Variants in MBTPS1 observed in about 807,000 individuals in gnomAD.
MBTPS1 encodes membrane-bound transcription factor site-1 protease.
Under a neutral mutation model 127.8 loss-of-function variants are expected in MBTPS1, and 94 were observed. The observed-to-expected ratio is 0.74, with a 90% CI of 0.62 to 0.87. The LOEUF is 0.87. Ranked by LOEUF, MBTPS1 falls within the 40% of genes least tolerant of loss-of-function variation. MBTPS1 has a pLI of 0.00. For synonymous variants in MBTPS1, 632 were observed against 509.4 expected (o/e 1.24, Z -3.24); for missense variants, 1,636 against 1,353.2 (o/e 1.21, Z -3.28).
chr16:84,093,314 A>G lies in MBTPS1; in HGVS notation c.737-17T>C. On this transcript the variant is annotated splice_polypyrimidine_tract_variant and intron_variant, in intron 5 of 22. Coordinates refer to ENST00000343411, the MANE Select transcript of MBTPS1 (RefSeq NM_003791.4). The stretch of plus-strand genomic sequence containing the variant: ...GGCCCAACCCTGCAGTCCATAAAGA[A>G]AACAATCCCATAAAACACACTGAAT... The G allele has an allele frequency of 6.5e-7, 1 of 1,527,462 alleles. No homozygotes were observed. The highest frequency in any genetic ancestry group is 9.1e-7 in the Non-Finnish European group (1 of 1,100,872). The allele number at this position is 1,527,462 out of a possible 1,614,324, so 94.6% of individuals were successfully genotyped here. A position where few individuals can be genotyped will look rare whatever the true frequency, so the allele number is the denominator to read the frequency against.
chr16:84,063,392 C>T lies in MBTPS1; in HGVS notation c.2485G>A (p.Gly829Arg). 2 of 1,614,110 alleles carry T rather than the reference C, an allele frequency of 1.2e-6. No individual in the cohort carries two copies. Among genetic ancestry groups the T allele is most frequent in the Non-Finnish European group, 1.7e-6 (2 of 1,179,978 alleles). The part of the protein sequence containing the change: ...TAVVENVPIL[G>R]LYQIPAEGGG... ...CCCTCAGCTGGAATCTGATAAAGTC[C>T]CAAAATGGGGACGTTTTCAACAACT... The change falls in exon 19 of 23, where the codon GGA becomes AGA. Residue 829 changes from glycine to arginine, a missense_variant. Transcript: ENST00000343411.
chr16:84,115,761 G>T (rs933849098), intron 1 of MBTPS1, among the ~76,000 whole-genome samples: 2 of 152,202 alleles, frequency 1.3e-5, no homozygotes, highest in Admixed American at 6.5e-5. Context: ...GGGCATCAGA[G>T]GTCTTGGGGT....
chr16:84,083,737 G>A lies in MBTPS1; in HGVS notation c.1286+1246C>T, dbSNP rs12447608. Among the ~76,000 whole-genome samples the A allele has an allele frequency of 6.4e-3, 979 of 152,240 alleles. 46 individuals are homozygous for A. Among genetic ancestry groups the A allele is most frequent in the Admixed American group, 0.052 (796 of 15,300 alleles). Reference sequence around the variant, plus strand: ...ATTAATTAATTTTTAAATTAGCATAGAATAACTTCCAAATACGCAGAGTTT... The same window carrying A: ...ATTAATTAATTTTTAAATTAGCATAAAATAACTTCCAAATACGCAGAGTTT... On this transcript the variant is annotated intron_variant, in intron 10 of 22. Coordinates refer to ENST00000343411, the MANE Select transcript of MBTPS1 (RefSeq NM_003791.4).
intron 10 of MBTPS1, 147 bp from the exon 11 acceptor site, chr16:84,082,055 G>A (rs778832150): frequency 4.2e-6 from 2 of 476,920 alleles, no homozygotes; most frequent in Non-Finnish European, 6.9e-6. Flanking sequence ...GCCTGCATGA[G>A]AGAATGAGTG....
chr16:84,080,040 T>C (rs2085916683), intron 11 of MBTPS1, among the ~76,000 whole-genome samples: 1 of 152,186 alleles, frequency 6.6e-6, no homozygotes, highest in South Asian at 2.1e-4. Flanking sequence ...GGACATCCTG[T>C]GCTGCCAGGA....
chr16:84,059,566 C>G, intron 20 of MBTPS1, 138 bp from the exon 21 acceptor site: 1 of 730,980 alleles, frequency 1.4e-6, no homozygotes, highest in Non-Finnish European at 2.2e-6. Context: ...TTAAGCTATC[C>G]TCCATGAGCC....
chr16:84,064,591 T>C (rs1320323287), intron 18 of MBTPS1, among the ~76,000 whole-genome samples: 1 of 152,136 alleles, frequency 6.6e-6, no homozygotes, highest in African/African-American at 2.4e-5. Context: ...CCCACCCACC[T>C]ACCAAAAACA....
intron 20 of MBTPS1, 37 bp downstream of exon 20, chr16:84,060,645 C>T: frequency 6.2e-7 from 1 of 1,602,710 alleles, no homozygotes. Flanking sequence ...CAGCTGGATC[C>T]AATTCCCTCC....
chr16:84,087,359 C>G lies in MBTPS1; in HGVS notation c.1133G>C (p.Trp378Ser), dbSNP rs975909593. ...ARFSSRGMTT[W>S]ELPGGYGRMK... ...ATTATTTAGCAAAGAAGAGCGTACCCAGGTAGTCATTCCCCTTGAAGAAAA... is the reference window on the plus strand; with the variant it reads ...ATTATTTAGCAAAGAAGAGCGTACCGAGGTAGTCATTCCCCTTGAAGAAAA... The change falls in exon 9 of 23, where the codon TGG (tryptophan) becomes TCG (serine). Residue 378 changes from tryptophan (W) to serine (S), a missense_variant and splice_region_variant. Physicochemically the swap from Trp to Ser is radical, Grantham distance 177. Coordinates refer to ENST00000343411, the MANE Select transcript of MBTPS1 (RefSeq NM_003791.4). The G allele has an allele frequency of 3.7e-6, 6 of 1,609,672 alleles. No homozygotes were observed. The highest frequency in any genetic ancestry group is 5.1e-6 in the Non-Finnish European group (6 of 1,176,488).
chr16:84,059,198 G>C, intron 21 of MBTPS1, 104 bp downstream of exon 21: 2 of 1,422,842 alleles, frequency 1.4e-6, no homozygotes, highest in Non-Finnish European at 1.9e-6. Flanking sequence ...TTGAAGATCT[G>C]ACAATTCGAT....
chr16:84,105,559 C>A (rs1211451979), intron 1 of MBTPS1, among the ~76,000 whole-genome samples: 1 of 152,130 alleles, frequency 6.6e-6, no homozygotes, highest in African/African-American at 2.4e-5. Context: ...AGGAGCAGAG[C>A]ATCCCAAGCG....
intron 20 of MBTPS1, chr16:84,059,693 T>TC: frequency 7.9e-6 from 2 of 252,590 alleles, no homozygotes; most frequent in South Asian, 9.2e-5. Flanking sequence ...CAGCACTGGC[T>TC]GGTCAAACTT....
intron 11 of MBTPS1, among the ~76,000 whole-genome samples, chr16:84,079,197 G>T (rs2085902681): frequency 6.6e-6 from 1 of 152,206 alleles, no homozygotes; most frequent in Admixed American, 6.5e-5. Context: ...GAAGCTCCCT[G>T]AGGCCTCCCC....
At chr16:84,098,891 A>G (rs938938616) in intron 3 of MBTPS1, among the ~76,000 whole-genome samples, 162 bp downstream of exon 3, 1 of 152,048 alleles carries the variant, frequency 6.6e-6, no homozygotes, top group Non-Finnish European at 1.5e-5. Flanking sequence ...CCTGCGCACT[A>G]AACAAAACTA....
chr16:84,080,321 C>G (rs1433267438), intron 11 of MBTPS1, among the ~76,000 whole-genome samples: 1 of 152,192 alleles, frequency 6.6e-6, no homozygotes, highest in Non-Finnish European at 1.5e-5. Context: ...CATCACGTGT[C>G]AAAGTTGTCA....
In MBTPS1 at chr16:84,054,266, T is replaced by A. The variant is rs541028840; in HGVS notation, c.*183A>T. The A allele has an allele frequency of 2.2e-6, 1 of 447,084 alleles. No homozygotes were observed. The highest frequency in any genetic ancestry group is 2.0e-5 in the African/African-American group (1 of 49,430). 27.7% of individuals were successfully genotyped at this position (447,084 alleles called of 1,614,324 possible). On this transcript the variant is annotated 3_prime_UTR_variant, in exon 23 of 23. Coordinates refer to ENST00000343411, the MANE Select transcript of MBTPS1 (RefSeq NM_003791.4). Reference sequence around the variant, plus strand: ...TCCCTCCTGACGGGATCCACAGGAATCTTCTCGATGTACCAGGAGCCTCTG... The same window carrying A: ...TCCCTCCTGACGGGATCCACAGGAAACTTCTCGATGTACCAGGAGCCTCTG...
Position 84,087,472 on chromosome 16 carries a change from C to CAAAAAAAAAAAA in MBTPS1, c.1032-13_1032-12insTTTTTTTTTTTT. 1.0e-6 allele frequency: 1 copy of CAAAAAAAAAAAA among 981,968 alleles called. No homozygotes were observed. Among genetic ancestry groups the CAAAAAAAAAAAA allele is most frequent in the Non-Finnish European group, 1.4e-6 (1 of 728,694 alleles). The allele number at this position is 981,968 out of a possible 1,614,324, so 60.8% of individuals were successfully genotyped here. On this transcript the variant is annotated splice_polypyrimidine_tract_variant and intron_variant, in intron 8 of 22. Coordinates refer to ENST00000343411, the MANE Select transcript of MBTPS1 (RefSeq NM_003791.4). ...GGTTATTCAGAGTGCTATATTGAGA[C>CAAAAAAAAAAAA]CAAAAAAAAAAAAAAAGAAAAGAAA... is the stretch of plus-strand genomic sequence containing the variant.
chr16:84,057,139 G>A (rs1041584612), intron 21 of MBTPS1: 1 of 152,228 alleles, frequency 6.6e-6, no homozygotes, highest in African/African-American at 2.4e-5. Flanking sequence ...AGGTTCCCTA[G>A]GCAGGCAAGA....
Position 84,101,949 on chromosome 16 carries a change from G to A in MBTPS1, c.-166C>T, listed in dbSNP as rs945042758. 3.2e-6 allele frequency: 2 copies of A among 626,108 alleles called. No homozygotes were observed. Among genetic ancestry groups the A allele is most frequent in the African/African-American group, 1.8e-5 (1 of 54,120 alleles). 38.8% of individuals were successfully genotyped at this position (626,108 alleles called of 1,614,324 possible). ...AAGTTAAATCCCATGGCCTTTTGTG[G>A]TTCAGCCTGAAGAGAGGCTTTCATT... On this transcript the variant is annotated 5_prime_UTR_variant, in exon 2 of 23. Transcript: ENST00000343411.
Sources: gnomAD v4.1 joint callset for allele counts (sites outside exome capture counted in the v4.1 genomes callset) on GRCh38, gnomAD v4.1.1 for gene constraint, MANE v1.5 for transcripts, NCBI Gene and HGNC (gene_info 2026-07-23, HGNC 2026-07-21) for gene names.